Variants in TMEM132C observed in about 807,000 individuals in gnomAD.
TMEM132C encodes transmembrane protein 132C.
A neutral mutation model predicts 61.4 loss-of-function variants in TMEM132C; 29 were observed. That is an observed-to-expected ratio of 0.47 (90% CI 0.35 to 0.64). The LOEUF is 0.64. Among genes scored for constraint, TMEM132C ranks in the 30% least tolerant of loss-of-function variants. The probability of loss-of-function intolerance (pLI) is 0.00; values close to 1 mark genes in which losing one functional copy is unlikely to be tolerated. For missense variants in TMEM132C, 1,408 were observed against 1,476.9 expected, an observed-to-expected ratio of 0.95 and a Z score of 0.76; for synonymous variants, 656 against 633.1, an observed-to-expected ratio of 1.04 and a Z score of -0.54.
At chr12:128,396,390 G>T (rs1409078956) in intron 1 of TMEM132C, among the ~76,000 whole-genome samples, 1 of 151,910 alleles carries the variant, frequency 6.6e-6, no homozygotes, top group Non-Finnish European at 1.5e-5. Context: ...TGTCGTGGGG[G>T]TGAGGGGCAG....
At chr12:128,602,075 C>T (rs556818279) in intron 3 of TMEM132C, among the ~76,000 whole-genome samples, 1 of 152,156 alleles carries the variant, frequency 6.6e-6, no homozygotes, top group African/African-American at 2.4e-5. Context: ...ATTAGTTGGG[C>T]ATGGTGGTCA....
intron 2 of TMEM132C, among the ~76,000 whole-genome samples, chr12:128,431,711 C>T (rs1237932584): frequency 2.0e-5 from 3 of 152,072 alleles, no homozygotes; most frequent in East Asian, 3.9e-4. Context: ...CTGGCCACCA[C>T]GCCTTGCTAA....
intron 4 of TMEM132C, among the ~76,000 whole-genome samples, chr12:128,662,348 A>C (rs1362155708): frequency 6.6e-6 from 1 of 152,202 alleles, no homozygotes; most frequent in African/African-American, 2.4e-5. Context: ...CCAAACCCTG[A>C]CAGGCAATCC....
intron 2 of TMEM132C, among the ~76,000 whole-genome samples, chr12:128,453,172 A>G (rs1649224972): frequency 6.6e-6 from 1 of 152,178 alleles, no homozygotes; most frequent in African/African-American, 2.4e-5. Context: ...TCCGTTTTCT[A>G]GTGCTGCATA....
intron 1 of TMEM132C, among the ~76,000 whole-genome samples, chr12:128,309,923 A>T (rs1226349771): frequency 1.3e-5 from 2 of 151,726 alleles, no homozygotes; most frequent in Non-Finnish European, 2.9e-5. Flanking sequence ...TTTAGTAGAG[A>T]CGGGGTTTCA....
chr12:128,381,762 G>A (rs916501862), intron 1 of TMEM132C, among the ~76,000 whole-genome samples: 2 of 152,196 alleles, frequency 1.3e-5, no homozygotes, highest in African/African-American at 2.4e-5. Context: ...GCATCTGGCG[G>A]CTTGAAAGAG....
chr12:128,524,515 A>T (rs1271461710), intron 2 of TMEM132C, among the ~76,000 whole-genome samples: 1 of 151,932 alleles, frequency 6.6e-6, no homozygotes, highest in Non-Finnish European at 1.5e-5. Flanking sequence ...CTTTTTTTTC[A>T]ACTAAGAATA....
At chr12:128,335,300 G>A (rs10082737) in intron 1 of TMEM132C, among the ~76,000 whole-genome samples, 2,885 of 152,178 alleles carry the variant, frequency 0.019, 81 homozygotes, top group African/African-American at 0.066. Context: ...TGTTATTCAC[G>A]AAAGCATCCT....
At chr12:128,303,956 G>A (rs1277444533) in intron 1 of TMEM132C, among the ~76,000 whole-genome samples, 1 of 152,050 alleles carries the variant, frequency 6.6e-6, no homozygotes, top group Non-Finnish European at 1.5e-5. Flanking sequence ...TCCCAGTGAA[G>A]GCCATTCTTG....
At chr12:128,444,135 G>C (rs1387004738) in intron 2 of TMEM132C, among the ~76,000 whole-genome samples, 1 of 152,112 alleles carries the variant, frequency 6.6e-6, no homozygotes, top group African/African-American at 2.4e-5. Flanking sequence ...GCCCAGACTG[G>C]TCTTGAACTC....
chr12:128,688,307 A>G (rs1210664907), intron 5 of TMEM132C, among the ~76,000 whole-genome samples: 1 of 152,134 alleles, frequency 6.6e-6, no homozygotes, highest in South Asian at 2.1e-4. Context: ...TCTCGTTGAC[A>G]TTTCTCACTC....
At chr12:128,302,060 A>G (rs1296561979) in intron 1 of TMEM132C, among the ~76,000 whole-genome samples, 1 of 152,162 alleles carries the variant, frequency 6.6e-6, no homozygotes, top group Non-Finnish European at 1.5e-5. Flanking sequence ...ACATGGGGGA[A>G]TTATGGGAGC....
At chr12:128,456,674 C>T (rs1870355647) in intron 2 of TMEM132C, among the ~76,000 whole-genome samples, 1 of 151,994 alleles carries the variant, frequency 6.6e-6, no homozygotes, top group Non-Finnish European at 1.5e-5. Context: ...TTTCAAAGTG[C>T]AGGGATTACA....
chr12:128,369,495 G>T (rs543043114), intron 1 of TMEM132C, among the ~76,000 whole-genome samples: 1 of 152,306 alleles, frequency 6.6e-6, no homozygotes, highest in Non-Finnish European at 1.5e-5. Flanking sequence ...TCTTGTTTTG[G>T]TGATGCAGAT....
intron 2 of TMEM132C, among the ~76,000 whole-genome samples, chr12:128,509,053 G>A (rs1051132953): frequency 6.6e-6 from 1 of 152,202 alleles, no homozygotes; most frequent in Non-Finnish European, 1.5e-5. Context: ...TGGGGTGAAC[G>A]AGTGGGAATC....
chr12:128,693,965 A>T lies in TMEM132C; in HGVS notation c.1586A>T (p.Gln529Leu). ...GTGTGGGTGCCCCGGCTGCCCCTGC[A>T]GATCGAGGTCTCTGACACGGAGCTC... ...VTVWVPRLPL[Q>L]IEVSDTELSQ... The change falls in exon 6 of 9, where the codon CAG (glutamine) becomes CTG (leucine). Residue 529 changes from glutamine to leucine, a missense_variant. Coordinates refer to ENST00000435159, the MANE Select transcript of TMEM132C (RefSeq NM_001136103.3). 6.4e-7 allele frequency: 1 copy of T among 1,551,790 alleles called. No individual in the cohort carries two copies. Among genetic ancestry groups the T allele is most frequent in the Non-Finnish European group, 8.7e-7 (1 of 1,147,022 alleles).
chr12:128,609,114 C>A (rs1225339524), intron 3 of TMEM132C, among the ~76,000 whole-genome samples: 1 of 150,928 alleles, frequency 6.6e-6, no homozygotes, highest in African/African-American at 2.4e-5. Context: ...CCTCCCTGCA[C>A]TGTAACCTCC....
chr12:128,378,424 A>ATT (rs34794972), intron 1 of TMEM132C, among the ~76,000 whole-genome samples: 63 of 151,468 alleles, frequency 4.2e-4, no homozygotes, highest in African/African-American at 1.5e-3. Context: ...CCAAGAGCAG[A>ATT]TTTTTTTAAA....
chr12:128,425,039 C>T (rs1179527947), intron 2 of TMEM132C, among the ~76,000 whole-genome samples: 5 of 152,212 alleles, frequency 3.3e-5, no homozygotes, highest in African/African-American at 4.8e-5. Context: ...CACACTTCTG[C>T]GCCTATATGG....
Sources: gnomAD v4.1 joint callset for allele counts (sites outside exome capture counted in the v4.1 genomes callset) on GRCh38, gnomAD v4.1.1 for gene constraint, MANE v1.5 for transcripts, NCBI Gene and HGNC (gene_info 2026-07-23, HGNC 2026-07-21) for gene names.